Variants in FKBP5 observed in about 807,000 individuals in gnomAD.
The protein encoded by FKBP5 is peptidyl-prolyl cis-trans isomerase FKBP5.
FKBP5 carries 23 observed loss-of-function variants against 50.5 expected under a neutral mutation model. The observed-to-expected ratio is 0.46, with a 90% CI of 0.33 to 0.65. The LOEUF (loss-of-function observed/expected upper bound fraction) is 0.65. Ranked by LOEUF, FKBP5 falls within the 30% of genes least tolerant of loss-of-function variation. FKBP5 has a pLI of 0.02. For synonymous variants in FKBP5, 176 were observed against 190.6 expected (o/e 0.92, Z 0.63); for missense variants, 411 against 553.1 (o/e 0.74, Z 2.58).
intron 2 of FKBP5, among the ~76,000 whole-genome samples, chr6:35,712,692 G>T (rs1766435667): frequency 6.6e-6 from 1 of 152,132 alleles, no homozygotes. Flanking sequence ...CCGCCAACAG[G>T]TATCTCCCAA....
chr6:35,629,509 AAAAC>A (rs60537217), intron 3 of FKBP5, among the ~76,000 whole-genome samples: 10,083 of 152,264 alleles, frequency 0.066, 480 homozygotes, highest in Admixed American at 0.12. Context: ...GCTTATAATT[AAAAC>A]AAACAAACAA....
At chr6:35,634,280 A>G (rs909852713) in intron 3 of FKBP5, among the ~76,000 whole-genome samples, 1 of 152,178 alleles carries the variant, frequency 6.6e-6, no homozygotes, top group African/African-American at 2.4e-5. Flanking sequence ...TAATGATGCC[A>G]CACCCATTCT....
intron 1 of FKBP5, among the ~76,000 whole-genome samples, chr6:35,723,047 C>T (rs1210572931): frequency 2.0e-5 from 3 of 152,130 alleles, no homozygotes; most frequent in African/African-American, 7.2e-5. Context: ...TCCTGGCCAG[C>T]ACAGTGAAAC....
chr6:35,627,661 TTTAA>T (rs776366580), intron 3 of FKBP5, among the ~76,000 whole-genome samples: 12 of 152,334 alleles, frequency 7.9e-5, no homozygotes, highest in East Asian at 7.7e-4. Context: ...GTAATTTATG[TTTAA>T]TTGTTTTACT....
intron 2 of FKBP5, among the ~76,000 whole-genome samples, chr6:35,706,570 C>T (rs543320539): frequency 2.6e-5 from 4 of 151,924 alleles, no homozygotes; most frequent in Non-Finnish European, 5.9e-5. Flanking sequence ...TGATAATATA[C>T]AGTATAGGTA....
At chr6:35,710,508 A>G (rs572901819) in intron 2 of FKBP5, among the ~76,000 whole-genome samples, 2 of 152,324 alleles carry the variant, frequency 1.3e-5, no homozygotes, top group African/African-American at 2.4e-5. Context: ...AATGATACCA[A>G]GAGCTGGTCA....
At chr6:35,633,858 A>G (rs1162594802) in intron 3 of FKBP5, among the ~76,000 whole-genome samples, 1 of 152,172 alleles carries the variant, frequency 6.6e-6, no homozygotes, top group East Asian at 1.9e-4. Context: ...ACACACCACA[A>G]GGAACAGGGA....
upstream of FKBP5, among the ~76,000 whole-genome samples, chr6:35,691,025 T>TAAATA (rs950661118): frequency 8.4e-4 from 128 of 151,668 alleles, no homozygotes; most frequent in African/African-American, 1.8e-3. Flanking sequence ...TAATAATAAA[T>TAAATA]AAATAAAATA....
At position 35,575,594 on chromosome 6, in the gene FKBP5, C is replaced by G; in HGVS notation, c.*241G>C. On this transcript the variant is annotated 3_prime_UTR_variant, in exon 11 of 11. Transcript: ENST00000357266. ...GCTGGACTTAAGCTGCTGGCTCACT[C>G]CCTCCACACCACAGTCATTTCTGTT... is the stretch of plus-strand genomic sequence containing the variant. 1 of 485,238 alleles carries G rather than the reference C, an allele frequency of 2.1e-6. No homozygotes were observed. Among genetic ancestry groups the G allele is most frequent in the South Asian group, 2.9e-5 (1 of 34,854 alleles). The allele number at this position is 485,238 out of a possible 1,614,324, so 30.1% of individuals were successfully genotyped here.
At chr6:35,670,557 G>C (rs528405118) in intron 1 of FKBP5, among the ~76,000 whole-genome samples, 1 of 151,658 alleles carries the variant, frequency 6.6e-6, no homozygotes, top group South Asian at 2.1e-4. Context: ...GTGAAACCCC[G>C]ACTCTACTAA....
chr6:35,712,412 G>C (rs184095176), intron 2 of FKBP5, among the ~76,000 whole-genome samples: 276 of 152,158 alleles, frequency 1.8e-3, no homozygotes, highest in African/African-American at 6.1e-3. Flanking sequence ...CCCCAGAAGG[G>C]GGTAAGGAGG....
chr6:35,606,946 T>G (rs569613304), intron 5 of FKBP5, among the ~76,000 whole-genome samples: 7 of 152,216 alleles, frequency 4.6e-5, no homozygotes, highest in South Asian at 2.1e-4. Context: ...GTTTGTGTGT[T>G]TGTTTGTTTT....
At chr6:35,709,516 T>A (rs1395694167) in intron 2 of FKBP5, among the ~76,000 whole-genome samples, 2 of 152,222 alleles carry the variant, frequency 1.3e-5, no homozygotes, top group African/African-American at 4.8e-5. Context: ...TGTGCAAATA[T>A]AACTTATTCA....
rs1317355593 is a variant in FKBP5, at chr6:35,597,393, C to T, written c.520G>A (p.Gly174Ser). 1 of 1,613,756 alleles carries T rather than the reference C, an allele frequency of 6.2e-7. No homozygotes were observed. The highest frequency in any genetic ancestry group is 1.7e-5 in the Admixed American group (1 of 59,868). ...EGATVEIHLEGRCGGRMFDCR... is the reference protein window; with the variant it reads ...EGATVEIHLESRCGGRMFDCR... The stretch of plus-strand genomic sequence containing the variant: ...TCAAACATCCTTCCACCACAGCGGC[C>T]TTCCAGGTGGACTGAGGGCAAGGAG... The change falls in exon 6 of 11, where the codon GGC becomes AGC. Residue 174 changes from glycine to serine, a missense_variant. Physicochemically the swap from Gly to Ser is moderately conservative, Grantham distance 56. Coordinates refer to ENST00000357266, the MANE Select transcript of FKBP5 (RefSeq NM_004117.4).
chr6:35,722,215 G>A (rs553645361), intron 1 of FKBP5, among the ~76,000 whole-genome samples: 1 of 152,002 alleles, frequency 6.6e-6, no homozygotes, highest in South Asian at 2.1e-4. Context: ...AACTGCCAAG[G>A]ATATAAGTTT....
At chr6:35,586,763 C>T in intron 8 of FKBP5, 1 of 1,353,634 alleles carries the variant, frequency 7.4e-7, no homozygotes, top group Non-Finnish European at 9.5e-7. Context: ...GTGAGTGATA[C>T]TGTGGTGGGT....
chr6:35,670,745 AAAG>A (rs1387323495), intron 1 of FKBP5, among the ~76,000 whole-genome samples: 27 of 144,800 alleles, frequency 1.9e-4, no homozygotes, highest in African/African-American at 3.8e-4. Flanking sequence ...AAAAAAAAAG[AAAG>A]AAAAGAAAAG....
intron 1 of FKBP5, among the ~76,000 whole-genome samples, chr6:35,647,469 A>G (rs1764661742): frequency 6.6e-6 from 1 of 152,248 alleles, no homozygotes; most frequent in Non-Finnish European, 1.5e-5. Context: ...TAACTGAACC[A>G]GAACTTTGGG....
intron 1 of FKBP5, among the ~76,000 whole-genome samples, chr6:35,687,343 G>C (rs982403210): frequency 6.6e-6 from 1 of 152,318 alleles, no homozygotes; most frequent in East Asian, 1.9e-4. Context: ...TCAGCTGGGG[G>C]AGAGACAAAC....
Sources: gnomAD v4.1 joint callset for allele counts (sites outside exome capture counted in the v4.1 genomes callset) on GRCh38, gnomAD v4.1.1 for gene constraint, MANE v1.5 for transcripts, NCBI Gene and HGNC (gene_info 2026-07-23, HGNC 2026-07-21) for gene names.